Variants in RC3H2 observed in about 807,000 individuals in gnomAD.
The protein encoded by RC3H2 is roquin-2.
In RC3H2, 31 loss-of-function variants were observed where a neutral mutation model predicts 133.3. That is an observed-to-expected ratio of 0.23 (90% CI 0.17 to 0.31). RC3H2 has a LOEUF of 0.31. Ranked by LOEUF, RC3H2 falls within the 10% of genes least tolerant of loss-of-function variation. The probability of loss-of-function intolerance (pLI) is 1.00; values close to 1 mark genes in which losing one functional copy is unlikely to be tolerated. For missense variants in RC3H2, 1,175 were observed against 1,437.2 expected, an observed-to-expected ratio of 0.82 and a Z score of 2.95; for synonymous variants, 517 against 502.2, an observed-to-expected ratio of 1.03 and a Z score of -0.40.
chr9:122,867,861 C>T (rs1220007489), intron 9 of RC3H2, among the ~76,000 whole-genome samples: 2 of 89,288 alleles, frequency 2.2e-5, no homozygotes, highest in African/African-American at 4.4e-5. Context: ...GGAGCGTCTC[C>T]GCCCGGCAGC....
chr9:122,855,134 A>AAT, intron 15 of RC3H2, 50 bp downstream of exon 15: 3 of 1,116,784 alleles, frequency 2.7e-6, no homozygotes, highest in Non-Finnish European at 3.8e-6. Context: ...AAAAAAAAAA[A>AAT]GGCATAGTGC....
In RC3H2 at chr9:122,868,054, G is replaced by A. The variant is rs1426002670; in HGVS notation, c.1326-2397C>T. Among the ~76,000 whole-genome samples, 6 of 123,580 alleles carry A rather than the reference G, an allele frequency of 4.9e-5. 1 individual carries two copies. The highest frequency in any genetic ancestry group is 2.6e-4 in the East Asian group (1 of 3,896). The allele number at this position is 123,580 out of a possible 152,430, so 81.1% of individuals were successfully genotyped here. A position where few individuals can be genotyped will look rare whatever the true frequency, so the allele number is the denominator to read the frequency against. ...GCCCCTCTGCCCAGCCAGCCGCTCC[G>A]TCCGGGAGGGAGGTTGGGGGGTCAG... On this transcript the variant is annotated intron_variant, in intron 9 of 20. Transcript: ENST00000357244.
At chr9:122,882,973 A>C (rs183030683) in intron 5 of RC3H2, among the ~76,000 whole-genome samples, 84 of 152,312 alleles carry the variant, frequency 5.5e-4, no homozygotes, top group African/African-American at 1.9e-3. Context: ...TGATTTCCTT[A>C]TGTTCTTTCC....
chr9:122,857,781 A>G lies in RC3H2; in HGVS notation c.2454+142T>C, dbSNP rs574518286. On this transcript the variant is annotated intron_variant, in intron 13 of 20. Transcript: ENST00000357244. The stretch of plus-strand genomic sequence containing the variant: ...TAACACCTAGCCGTAGTGCATTTAT[A>G]TTCAGTGTTTATTGAACTAAACTCA... 87 of 653,492 alleles carry G rather than the reference A, an allele frequency of 1.3e-4. No homozygotes were observed. The African/African-American group carries it at 1.5e-3, about 11-fold the overall frequency. The allele number at this position is 653,492 out of a possible 1,614,324, so 40.5% of individuals were successfully genotyped here.
intron 9 of RC3H2, among the ~76,000 whole-genome samples, chr9:122,876,665 A>AG (rs1831352914): frequency 6.6e-6 from 1 of 152,114 alleles, no homozygotes; most frequent in South Asian, 2.1e-4. Context: ...GCCAGCAGAA[A>AG]GTAGAAAAGC....
rs371884585 is a variant in RC3H2, at chr9:122,868,987, C to T, written c.1326-3330G>A. ...CGCGATCTCGGCTCACTGCAACCTC[C>T]GCCTCCTGGGTTCAAGTGATTCTTC... is the stretch of plus-strand genomic sequence containing the variant. On this transcript the variant is annotated intron_variant, in intron 9 of 20. Coordinates refer to ENST00000357244, the MANE Select transcript of RC3H2 (RefSeq NM_001100588.3). Among the ~76,000 whole-genome samples, 33 of 150,586 alleles carry T rather than the reference C, an allele frequency of 2.2e-4. No individual in the cohort carries two copies. In the South Asian group the frequency reaches 5.5e-3, roughly 25 times the overall value.
intron 5 of RC3H2, among the ~76,000 whole-genome samples, chr9:122,881,457 CAAAA>C (rs11321863): frequency 2.3e-5 from 2 of 85,328 alleles, no homozygotes; most frequent in Non-Finnish European, 4.9e-5. Context: ...GACTCCGTCT[CAAAA>C]AAAAAAAAAA....
chr9:122,871,641 G>A (rs1013925560), intron 9 of RC3H2, among the ~76,000 whole-genome samples: 1 of 151,832 alleles, frequency 6.6e-6, no homozygotes, highest in African/African-American at 2.4e-5. Flanking sequence ...TATCTTCTAA[G>A]AGTCTTTCCT....
At chr9:122,876,720 T>TA (rs1307310970) in intron 9 of RC3H2, among the ~76,000 whole-genome samples, 2 of 151,822 alleles carry the variant, frequency 1.3e-5, no homozygotes, top group Non-Finnish European at 2.9e-5. Flanking sequence ...AAGTCTTAGT[T>TA]AAAAAACAAA....
intron 2 of RC3H2, among the ~76,000 whole-genome samples, chr9:122,896,050 G>A (rs1043865929): frequency 1.4e-5 from 2 of 148,042 alleles, no homozygotes; most frequent in African/African-American, 2.5e-5. Flanking sequence ...TTTGGCTTCC[G>A]TGGGCCATAC....
At chr9:122,869,510 A>T (rs1053951279) in intron 9 of RC3H2, among the ~76,000 whole-genome samples, 2 of 152,000 alleles carry the variant, frequency 1.3e-5, no homozygotes, top group African/African-American at 4.8e-5. Flanking sequence ...AGACTGGCTA[A>T]AAGTGAAGTA....
Position 122,854,624 on chromosome 9 carries a change from A to G in RC3H2, c.2816-9T>C. The G allele has an allele frequency of 6.3e-7, 1 of 1,578,868 alleles. No homozygotes were observed. The highest frequency in any genetic ancestry group is 8.7e-7 in the Non-Finnish European group (1 of 1,147,740). ...GACATAAGGGACATAATCTACAGACATGTAGAATGAAACAATGGTCAAAAA... is the reference window on the plus strand; with the variant it reads ...GACATAAGGGACATAATCTACAGACGTGTAGAATGAAACAATGGTCAAAAA... On this transcript the variant is annotated splice_polypyrimidine_tract_variant and intron_variant, in intron 15 of 20. Coordinates refer to ENST00000357244, the MANE Select transcript of RC3H2 (RefSeq NM_001100588.3).
At position 122,886,082 on chromosome 9, in the gene RC3H2, G is replaced by A. The variant is rs556437949; in HGVS notation, c.584-2703C>T. ...TTTTTCTATTTTCAGTAGAGACAGA[G>A]TTTTCCCATGTTGGTCAGGCTGGTC... On this transcript the variant is annotated intron_variant, in intron 4 of 20. Transcript: ENST00000357244. Among the ~76,000 whole-genome samples, 3 of 152,108 alleles carry A rather than the reference G, an allele frequency of 2.0e-5. No individual in the cohort carries two copies. In the South Asian group the frequency reaches 6.2e-4, roughly 32 times the overall value.
Position 122,905,102 on chromosome 9 carries a change from C to G in RC3H2, c.-68+8G>C. On this transcript the variant is annotated splice_region_variant and intron_variant, in intron 1 of 20. Coordinates refer to ENST00000357244, the MANE Select transcript of RC3H2 (RefSeq NM_001100588.3). ...GCCCGAGCCGCATCGTGCCCGCCCC[C>G]GCCCTACCTGAGGGGGCCCGGGCGG... 1.0e-6 allele frequency: 1 copy of G among 985,436 alleles called. No individual in the cohort carries two copies. The highest frequency in any genetic ancestry group is 1.2e-6 in the Non-Finnish European group (1 of 829,932). The allele number at this position is 985,436 out of a possible 1,614,324, so 61.0% of individuals were successfully genotyped here.
At position 122,855,720 on chromosome 9, in the gene RC3H2, G is replaced by A; in HGVS notation, c.2601+12C>T. The A allele has an allele frequency of 6.2e-7, 1 of 1,605,440 alleles. No homozygotes were observed. The highest frequency in any genetic ancestry group is 8.5e-7 in the Non-Finnish European group (1 of 1,175,910). On this transcript the variant is annotated intron_variant, in intron 14 of 20. Coordinates refer to ENST00000357244, the MANE Select transcript of RC3H2 (RefSeq NM_001100588.3). ...CTCACCTCCAACCCCTGCAACCCCAGCAAAATCATACCATTAACACAGCAT... is the reference window on the plus strand; with the variant it reads ...CTCACCTCCAACCCCTGCAACCCCAACAAAATCATACCATTAACACAGCAT...
intron 18 of RC3H2, among the ~76,000 whole-genome samples, chr9:122,853,378 T>TAAAAAAAAAAA (rs72033785): frequency 1.2e-5 from 1 of 83,708 alleles, no homozygotes; most frequent in Non-Finnish European, 2.8e-5. Flanking sequence ...GAATGATCAA[T>TAAAAAAAAAAA]AAAAAAAAAA....
intron 8 of RC3H2, among the ~76,000 whole-genome samples, chr9:122,878,977 G>A (rs1831470148): frequency 6.7e-6 from 1 of 149,426 alleles, no homozygotes; most frequent in Non-Finnish European, 1.5e-5. Flanking sequence ...AGCTGGTCTC[G>A]AACTTCTGGC....
chr9:122,873,211 G>C (rs1442807658), intron 9 of RC3H2, among the ~76,000 whole-genome samples: 2 of 152,180 alleles, frequency 1.3e-5, no homozygotes, highest in Non-Finnish European at 2.9e-5. Flanking sequence ...AAAGCTCAGA[G>C]TGAGGTAGCA....
chr9:122,886,168 G>A (rs906459546), intron 4 of RC3H2, among the ~76,000 whole-genome samples: 2 of 152,296 alleles, frequency 1.3e-5, no homozygotes, highest in South Asian at 2.1e-4. Context: ...GGGATTACAG[G>A]TGTGAGCCAC....
Sources: allele counts gnomAD v4.1 joint callset (sites outside exome capture counted in the v4.1 genomes callset), GRCh38; gene constraint gnomAD v4.1.1; transcripts MANE v1.5; gene names NCBI Gene and HGNC (gene_info 2026-07-23, HGNC 2026-07-21).